RABGEF1: variants seen among roughly 807,000 people sequenced by gnomAD.
The protein encoded by RABGEF1 is RAB guanine nucleotide exchange factor 1.
Under a neutral mutation model 57.3 loss-of-function variants are expected in RABGEF1, and 26 were observed. That is an observed-to-expected ratio of 0.45 (90% CI 0.33 to 0.63). The LOEUF (loss-of-function observed/expected upper bound fraction) is 0.63, where lower values mean the gene tolerates loss of function less well. RABGEF1 is among the 20% of genes least tolerant of loss of function. The pLI is 0.02. For synonymous variants in RABGEF1, 185 were observed against 210.7 expected (o/e 0.88, Z 1.06); for missense variants, 464 against 607.6 (o/e 0.76, Z 2.48).
intron 1 of RABGEF1, among the ~76,000 whole-genome samples, chr7:66,695,086 C>T (rs1040162967): frequency 9.9e-5 from 15 of 151,922 alleles, no homozygotes; most frequent in African/African-American, 2.4e-4. Flanking sequence ...CCGAGGCGGG[C>T]GGATCACTTG....
chr7:66,667,162 A>C, the RABGEF1 span, among the ~76,000 whole-genome samples: 1 of 152,216 alleles, frequency 6.6e-6, no homozygotes, highest in Non-Finnish European at 1.5e-5. Context: ...CAAGGGCACC[A>C]CAGGAGGTTT....
At position 66,809,227 on chromosome 7, in the gene RABGEF1, A is replaced by T; in HGVS notation, c.1419A>T (p.Glu473Asp). 7 of 1,612,922 alleles carry T rather than the reference A, an allele frequency of 4.3e-6. No individual in the cohort carries two copies. Among genetic ancestry groups the T allele is most frequent in the Non-Finnish European group, 5.1e-6 (6 of 1,179,230 alleles). Reference sequence around the variant, plus strand: ...AACCGTTAGCAGCTATTGACTCTGAAAACGTTGAAAATGATAAACTTCCTC... The same window carrying T: ...AACCGTTAGCAGCTATTGACTCTGATAACGTTGAAAATGATAAACTTCCTC... ...PNQPLAAIDS[E>D]NVENDKLPPP... The change falls in exon 9 of 9, where the codon GAA becomes GAT. Residue 473 changes from glutamate (E) to aspartate (D), a missense_variant. This residue lies in a region of RABGEF1 where 151 missense variants were observed against 152.2 expected (regional missense o/e 0.99). Coordinates refer to ENST00000284957, the MANE Select transcript of RABGEF1 (RefSeq NM_014504.3).
intron 1 of RABGEF1, among the ~76,000 whole-genome samples, chr7:66,708,827 A>G (rs1794441032): frequency 6.6e-6 from 1 of 151,946 alleles, no homozygotes; most frequent in Non-Finnish European, 1.5e-5. Context: ...AAAATTTACA[A>G]CAACAGAAAA....
At chr7:66,761,961 G>A in intron 1 of RABGEF1, among the ~76,000 whole-genome samples, 1 of 152,058 alleles carries the variant, frequency 6.6e-6, no homozygotes, top group East Asian at 1.9e-4. Context: ...CGAGGCAGGA[G>A]AATCACTTGA....
chr7:66,730,613 C>G (rs369360195), intron 2 of RABGEF1, among the ~76,000 whole-genome samples: 1 of 147,870 alleles, frequency 6.8e-6, no homozygotes, highest in East Asian at 2.0e-4. Context: ...GGCTGGAGTG[C>G]CATGGTACAG....
chr7:66,777,262 A>T (rs952874630), intron 3 of RABGEF1, among the ~76,000 whole-genome samples: 1 of 152,200 alleles, frequency 6.6e-6, no homozygotes, highest in Admixed American at 6.5e-5. Context: ...GTATAAAATT[A>T]TCAGCTCCAA....
At chr7:66,694,711 C>T (rs1418337147) in intron 1 of RABGEF1, among the ~76,000 whole-genome samples, 1 of 150,862 alleles carries the variant, frequency 6.6e-6, no homozygotes, top group Non-Finnish European at 1.5e-5. Flanking sequence ...GTCGGAATCT[C>T]GTGGATTGGC....
chr7:66,794,967 C>T (rs12531365), intron 4 of RABGEF1, among the ~76,000 whole-genome samples: 23,860 of 152,068 alleles, frequency 0.16, 2,228 homozygotes, highest in East Asian at 0.29. Flanking sequence ...TTTAAGAATA[C>T]GTAGATTTAG....
intron 1 of RABGEF1, among the ~76,000 whole-genome samples, chr7:66,695,038 G>A (rs2117174848): frequency 6.6e-6 from 1 of 152,294 alleles, no homozygotes; most frequent in Middle Eastern, 3.4e-3. Context: ...GGCCCTGGGT[G>A]CGGCAGCTCA....
rs763021212 is a variant in RABGEF1, at chr7:66,805,184, G to A, written c.865G>A (p.Ala289Thr). 1.9e-6 allele frequency: 3 copies of A among 1,612,258 alleles called. No individual in the cohort carries two copies. The African/African-American group carries it at 4.0e-5, about 22-fold the overall frequency. ...DSKRVPRDKL[A>T]CITKCSKHIF... is the part of the protein sequence containing the mutation. ...CAAGCGTGTGCCTCGAGACAAGCTG[G>A]CCTGCATCACCAAGTGCAGCAAGCA... Residue 289 changes from alanine (A) to threonine (T), a missense_variant, in exon 8 of 9, where the codon GCC (alanine) becomes ACC (threonine). Physicochemically the swap from Ala to Thr is moderately conservative, Grantham distance 58 (BLOSUM62 0). This residue lies in a region of RABGEF1 where 284 missense variants were observed against 389.9 expected (regional missense o/e 0.73). Transcript: ENST00000284957.
At chr7:66,668,089 C>T in the RABGEF1 span, among the ~76,000 whole-genome samples, 14 of 152,008 alleles carry the variant, frequency 9.2e-5, no homozygotes, top group Admixed American at 2.6e-4. Context: ...TCAGCCACCG[C>T]GCCTGGCCCC....
chr7:66,663,768 A>T, the RABGEF1 span, among the ~76,000 whole-genome samples: 1 of 151,788 alleles, frequency 6.6e-6, no homozygotes, highest in African/African-American at 2.4e-5. Flanking sequence ...TAAAAAAATA[A>T]AAATAAATAA....
At chr7:66,803,081 T>G (rs1375103165) in intron 7 of RABGEF1, among the ~76,000 whole-genome samples, 1 of 151,948 alleles carries the variant, frequency 6.6e-6, no homozygotes, top group African/African-American at 2.4e-5. Context: ...AAAAGAAAAA[T>G]AAATAGATCA....
chr7:66,771,721 T>A (rs1443197188), intron 1 of RABGEF1, among the ~76,000 whole-genome samples, 162 bp from the exon 2 acceptor site: 1 of 152,144 alleles, frequency 6.6e-6, no homozygotes, highest in African/African-American at 2.4e-5. Context: ...TTAACATTCT[T>A]TTTTCTTCCT....
intron 1 of RABGEF1, among the ~76,000 whole-genome samples, chr7:66,744,917 A>C (rs1799848933): frequency 6.6e-6 from 1 of 151,370 alleles, no homozygotes; most frequent in Non-Finnish European, 1.5e-5. Context: ...TATCAGCCGC[A>C]CACGGTGGCT....
chr7:66,767,175 G>C (rs890784642), intron 1 of RABGEF1, among the ~76,000 whole-genome samples: 1 of 151,514 alleles, frequency 6.6e-6, no homozygotes, highest in African/African-American at 2.4e-5. Context: ...GCTAATTTTT[G>C]TATGTTTAAT....
intron 1 of RABGEF1, among the ~76,000 whole-genome samples, chr7:66,707,106 A>G (rs1034460503): frequency 2.0e-5 from 3 of 152,154 alleles, no homozygotes; most frequent in African/African-American, 7.2e-5. Flanking sequence ...TTTTTGAAGT[A>G]TGTTGATTAG....
Position 66,744,573 on chromosome 7 carries a change from CAGG to C in RABGEF1, c.-18+3784_-18+3786del, listed in dbSNP as rs1342260247. ...GTCCCAGCTACTCGGGAGGCTGAGG[CAGG>C]AGAATGGCGTGAACCTGGGAGGTGG... On this transcript the variant is annotated intron_variant, in intron 1 of 8. Transcript: ENST00000284957. Among the ~76,000 whole-genome samples the C allele has an allele frequency of 8.1e-5, 12 of 148,026 alleles. No homozygotes were observed. In the Admixed American group the frequency reaches 8.4e-4, roughly 10 times the overall value.
At chr7:66,731,599 TC>T (rs1797323688) in intron 2 of RABGEF1, among the ~76,000 whole-genome samples, 1 of 151,940 alleles carries the variant, frequency 6.6e-6, no homozygotes, top group Non-Finnish European at 1.5e-5. Context: ...TGCCTGTAGT[TC>T]CTACTACTCA....
Sources: allele counts gnomAD v4.1 joint callset (sites outside exome capture counted in the v4.1 genomes callset), GRCh38; gene constraint gnomAD v4.1.1; regional missense constraint gnomAD v4.1.1; transcripts MANE v1.5; gene names NCBI Gene and HGNC (gene_info 2026-07-23, HGNC 2026-07-21).